Variants in FMNL2 observed in about 807,000 individuals in gnomAD.
The protein encoded by FMNL2 is formin like 2, also known as formin-like protein 2.
A neutral mutation model predicts 130.2 loss-of-function variants in FMNL2; 51 were observed. The ratio of observed to expected loss-of-function variants is 0.39; its 90% confidence interval spans 0.31 to 0.49. The LOEUF (loss-of-function observed/expected upper bound fraction) is 0.49. Among genes scored for constraint, FMNL2 ranks in the 20% least tolerant of loss-of-function variants. The pLI, the probability that FMNL2 is intolerant of heterozygous loss-of-function variation, is 0.85. For missense variants in FMNL2, 977 were observed against 1,316.2 expected, an observed-to-expected ratio of 0.74 and a Z score of 3.99; for synonymous variants, 465 against 467.1, an observed-to-expected ratio of 1.00 and a Z score of 0.06.
intron 1 of FMNL2, among the ~76,000 whole-genome samples, chr2:152,419,326 G>A (rs937101531): frequency 1.3e-5 from 2 of 151,968 alleles, no homozygotes; most frequent in East Asian, 1.9e-4. Flanking sequence ...TAGTGATATC[G>A]AAATGTACAG....
chr2:152,367,457 A>G (rs1683625246), intron 1 of FMNL2, among the ~76,000 whole-genome samples: 1 of 152,172 alleles, frequency 6.6e-6, no homozygotes, highest in South Asian at 2.1e-4. Flanking sequence ...GTTTCTATAT[A>G]CTTAATGCTT....
Position 152,469,021 on chromosome 2 carries a change from G to C in FMNL2, c.118-52922G>C, listed in dbSNP as rs890226642. ...GTAAATTACCTCTTTGACTCACAAC[G>C]TGATAAAATGAAAGTGGAGAAAATT... On this transcript the variant is annotated intron_variant, in intron 1 of 25. Coordinates refer to ENST00000288670, the MANE Select transcript of FMNL2 (RefSeq NM_052905.4). Among the ~76,000 whole-genome samples, 3 of 152,238 alleles carry C rather than the reference G, an allele frequency of 2.0e-5. No individual in the cohort carries two copies. The South Asian group carries it at 6.2e-4, about 32-fold the overall frequency.
intron 1 of FMNL2, among the ~76,000 whole-genome samples, chr2:152,413,488 A>G (rs920187168): frequency 5.3e-5 from 8 of 152,268 alleles, no homozygotes; most frequent in African/African-American, 1.7e-4. Flanking sequence ...TTACTATACT[A>G]ATGGAGCCTG....
Position 152,614,849 on chromosome 2 carries a change from A to G in FMNL2, c.1063-2A>G. The G allele has an allele frequency of 1.2e-6, 2 of 1,601,540 alleles. No homozygotes were observed. The highest frequency in any genetic ancestry group is 1.7e-6 in the Non-Finnish European group (2 of 1,176,700). ...CACGTTCTCTCCTATTCTGGTTTTTAGAAGCTGAAACACACTGAGAGTGAC... is the reference window on the plus strand; with the variant it reads ...CACGTTCTCTCCTATTCTGGTTTTTGGAAGCTGAAACACACTGAGAGTGAC... On this transcript the variant is annotated splice_acceptor_variant, in intron 11 of 25. Transcript: ENST00000288670. LOFTEE classifies it high-confidence loss of function.
At chr2:152,646,286 C>T (rs1683552641) in intron 25 of FMNL2, among the ~76,000 whole-genome samples, 3 of 152,112 alleles carry the variant, frequency 2.0e-5, no homozygotes, top group African/African-American at 7.2e-5. Flanking sequence ...GAGCAGAGAT[C>T]ACCACTACAC....
chr2:152,628,201 A>C, intron 17 of FMNL2, 98 bp from the exon 18 acceptor site: 1 of 1,003,380 alleles, frequency 1.0e-6, no homozygotes, highest in East Asian at 2.4e-5. Flanking sequence ...GCTGTACCAG[A>C]TGGATGATGG....
chr2:152,579,986 T>C (rs1696690711), intron 8 of FMNL2, among the ~76,000 whole-genome samples: 1 of 152,232 alleles, frequency 6.6e-6, no homozygotes, highest in African/African-American at 2.4e-5. Context: ...ATTTGGAAAA[T>C]GCAACACGAA....
At chr2:152,546,264 A>G (rs999470487) in intron 3 of FMNL2, among the ~76,000 whole-genome samples, 6 of 152,096 alleles carry the variant, frequency 3.9e-5, no homozygotes, top group African/African-American at 1.4e-4. Context: ...ATTTTGGCCT[A>G]CAGTTCTTTA....
chr2:152,515,723 T>G (rs1692731046), intron 1 of FMNL2, among the ~76,000 whole-genome samples: 1 of 152,180 alleles, frequency 6.6e-6, no homozygotes, highest in Non-Finnish European at 1.5e-5. Context: ...TCCTTCTCTG[T>G]TAAATAGAAA....
chr2:152,507,674 A>G (rs1692248435), intron 1 of FMNL2, among the ~76,000 whole-genome samples: 1 of 152,138 alleles, frequency 6.6e-6, no homozygotes, highest in South Asian at 2.1e-4. Context: ...GAAGACTAGA[A>G]TCTTTGTCTG....
chr2:152,375,873 CTCTCTATATA>C (rs1419544807), intron 1 of FMNL2, among the ~76,000 whole-genome samples: 1 of 113,826 alleles, frequency 8.8e-6, no homozygotes, highest in African/African-American at 3.3e-5. Flanking sequence ...CTCTCTCTCT[CTCTCTATATA>C]TATATATATA....
At chr2:152,628,210 G>GGATGGATGAACCTGAAAA (rs560415368) in intron 17 of FMNL2, 89 bp from the exon 18 acceptor site, 1 of 1,103,336 alleles carries the variant, frequency 9.1e-7, no homozygotes, top group South Asian at 1.3e-5. Flanking sequence ...GATGGATGAT[G>GGATGGATGAACCTGAAAA]GATGGATGAA....
intron 9 of FMNL2, among the ~76,000 whole-genome samples, chr2:152,589,740 G>C (rs1293595646): frequency 6.6e-6 from 1 of 151,766 alleles, no homozygotes; most frequent in Non-Finnish European, 1.5e-5. Context: ...TCTCCGGGCA[G>C]GATTTGATTG....
At chr2:152,532,228 G>A (rs75795961) in intron 2 of FMNL2, among the ~76,000 whole-genome samples, 8,260 of 152,214 alleles carry the variant, frequency 0.054, 389 homozygotes, top group East Asian at 0.21. Flanking sequence ...TTTCAAGAGA[G>A]TTGTGCTCAG....
chr2:152,483,294 C>T (rs1690634425), intron 1 of FMNL2, among the ~76,000 whole-genome samples: 1 of 151,944 alleles, frequency 6.6e-6, no homozygotes, highest in African/African-American at 2.4e-5. Flanking sequence ...TTTCCTTGAA[C>T]CTAGAGGAAT....
At chr2:152,409,423 T>A (rs1407215460) in intron 1 of FMNL2, among the ~76,000 whole-genome samples, 1 of 152,142 alleles carries the variant, frequency 6.6e-6, no homozygotes, top group Non-Finnish European at 1.5e-5. Context: ...TGAGAGCCCC[T>A]CCCCTGCTGC....
At chr2:152,504,209 C>T (rs1261237182) in intron 1 of FMNL2, among the ~76,000 whole-genome samples, 1 of 151,988 alleles carries the variant, frequency 6.6e-6, no homozygotes, top group Non-Finnish European at 1.5e-5. Context: ...CAAAAAAGAA[C>T]AATCAGTATG....
intron 1 of FMNL2, among the ~76,000 whole-genome samples, chr2:152,368,876 C>T (rs1370512902): frequency 1.3e-5 from 2 of 151,662 alleles, no homozygotes; most frequent in African/African-American, 4.8e-5. Flanking sequence ...TTTTATCCAC[C>T]TTTTGCTTAT....
At chr2:152,489,358 C>T (rs1446522774) in intron 1 of FMNL2, among the ~76,000 whole-genome samples, 1 of 152,236 alleles carries the variant, frequency 6.6e-6, no homozygotes. Flanking sequence ...TCTTCATTCC[C>T]TCTGTGTGCC....
Sources: gnomAD v4.1 joint callset for allele counts (sites outside exome capture counted in the v4.1 genomes callset) on GRCh38, gnomAD v4.1.1 for gene constraint, MANE v1.5 for transcripts, NCBI Gene and HGNC (gene_info 2026-07-23, HGNC 2026-07-21) for gene names.